The following FAM135B variants were observed in gnomAD, a reference collection of about 807,000 sequenced individuals.
FAM135B encodes family with sequence similarity 135 member B, also known as protein FAM135B.
In FAM135B, 43 loss-of-function variants were observed where a neutral mutation model predicts 127.7. The observed-to-expected ratio is 0.34, with a 90% CI of 0.26 to 0.43. The LOEUF (loss-of-function observed/expected upper bound fraction) is 0.43, where lower values mean the gene tolerates loss of function less well. Among genes scored for constraint, FAM135B ranks in the 20% least tolerant of loss-of-function variants. FAM135B has a pLI of 1.00. For synonymous variants in FAM135B, 670 were observed against 665.1 expected, an observed-to-expected ratio of 1.01 and a Z score of -0.11; for missense variants, 1,558 against 1,725.6, an observed-to-expected ratio of 0.90 and a Z score of 1.72.
chr8:138,183,952 A>G (rs1017436056), intron 9 of FAM135B, among the ~76,000 whole-genome samples: 1 of 152,192 alleles, frequency 6.6e-6, no homozygotes, highest in East Asian at 1.9e-4. Flanking sequence ...TCTATGCAGG[A>G]ATTCACGGCT....
chr8:138,462,842 T>C (rs1261431059), intron 1 of FAM135B, among the ~76,000 whole-genome samples: 1 of 152,028 alleles, frequency 6.6e-6, no homozygotes, highest in African/African-American at 2.4e-5. Flanking sequence ...GGGTCCAGAT[T>C]TGGGGAAAGT....
At chr8:138,333,227 T>C (rs1485281945) in intron 2 of FAM135B, among the ~76,000 whole-genome samples, 1 of 152,152 alleles carries the variant, frequency 6.6e-6, no homozygotes, top group Non-Finnish European at 1.5e-5. Flanking sequence ...ACACTTGCCC[T>C]GGGACAACTA....
chr8:138,463,530 G>A (rs1415957068), intron 1 of FAM135B, among the ~76,000 whole-genome samples: 1 of 152,176 alleles, frequency 6.6e-6, no homozygotes, highest in African/African-American at 2.4e-5. Context: ...CAGCATCTGT[G>A]CTTCAGCTCC....
At position 138,290,134 on chromosome 8, in the gene FAM135B, C is replaced by G. The variant is rs1824994232; in HGVS notation, c.157+20707G>C. On this transcript the variant is annotated intron_variant, in intron 3 of 19. Coordinates refer to ENST00000395297, the MANE Select transcript of FAM135B (RefSeq NM_015912.4). Reference sequence around the variant, plus strand: ...GGGGGGTCCACATCATGAATCATCACCGAGTCCCCCTTATGAGCTGGGTAA... The same window carrying G: ...GGGGGGTCCACATCATGAATCATCAGCGAGTCCCCCTTATGAGCTGGGTAA... Among the ~76,000 whole-genome samples, 2 of 152,168 alleles carry G rather than the reference C, an allele frequency of 1.3e-5. 1 individual carries two copies. The highest frequency in any genetic ancestry group is 1.3e-4 in the Admixed American group (2 of 15,278).
chr8:138,367,230 T>C (rs1830793614), intron 2 of FAM135B: 1 of 327,726 alleles, frequency 3.1e-6, no homozygotes. Context: ...TTGCTTTTTG[T>C]GTGTCAGTAA....
chr8:138,213,836 C>T (rs1490256135), intron 7 of FAM135B, among the ~76,000 whole-genome samples: 1 of 152,116 alleles, frequency 6.6e-6, no homozygotes, highest in Non-Finnish European at 1.5e-5. Flanking sequence ...AAGGAGGCTC[C>T]CACAATGAAC....
chr8:138,453,971 G>C (rs796243896), intron 1 of FAM135B, among the ~76,000 whole-genome samples: 4 of 152,082 alleles, frequency 2.6e-5, no homozygotes, highest in African/African-American at 9.6e-5. Context: ...TCTGACTCTT[G>C]GGGAGAGTGT....
At chr8:138,212,906 A>C (rs574502861) in intron 7 of FAM135B, among the ~76,000 whole-genome samples, 26 of 152,330 alleles carry the variant, frequency 1.7e-4, no homozygotes, top group African/African-American at 6.0e-4. Context: ...GAATGTCTTT[A>C]CTTTTATAAT....
intron 12 of FAM135B, among the ~76,000 whole-genome samples, chr8:138,160,047 T>C (rs12676936): frequency 0.69 from 105,203 of 151,644 alleles, 36,511 homozygotes; most frequent in East Asian, 0.77. Flanking sequence ...TGATTTTGGT[T>C]ACAATTAACC....
intron 1 of FAM135B, among the ~76,000 whole-genome samples, chr8:138,386,623 A>G (rs1832235222): frequency 6.6e-6 from 1 of 152,236 alleles, no homozygotes; most frequent in Non-Finnish European, 1.5e-5. Context: ...ACTGGCCTAG[A>G]TATTAATCTT....
At chr8:138,289,039 C>T (rs867597854) in intron 3 of FAM135B, among the ~76,000 whole-genome samples, 1 of 152,212 alleles carries the variant, frequency 6.6e-6, no homozygotes, top group Non-Finnish European at 1.5e-5. Context: ...TGCTTTTCTG[C>T]TTTCTCCACA....
intron 4 of FAM135B, among the ~76,000 whole-genome samples, chr8:138,257,668 C>T (rs1409174849): frequency 6.6e-6 from 1 of 152,048 alleles, no homozygotes; most frequent in South Asian, 2.1e-4. Flanking sequence ...AACCACAAAG[C>T]CCATGTCTTG....
chr8:138,240,939 CAG>C (rs1040485521), intron 7 of FAM135B, among the ~76,000 whole-genome samples: 2 of 152,144 alleles, frequency 1.3e-5, no homozygotes, highest in Non-Finnish European at 2.9e-5. Context: ...CCCTGGAAAA[CAG>C]AGTTTGAGTG....
chr8:138,228,391 C>CCCAG (rs1350189850), intron 7 of FAM135B, among the ~76,000 whole-genome samples: 1 of 152,070 alleles, frequency 6.6e-6, no homozygotes, highest in Non-Finnish European at 1.5e-5. Flanking sequence ...TTGCATCACC[C>CCCAG]CCAGCTGCAG....
chr8:138,423,953 C>G (rs1203951590), intron 1 of FAM135B, among the ~76,000 whole-genome samples: 3 of 152,164 alleles, frequency 2.0e-5, no homozygotes, highest in Non-Finnish European at 4.4e-5. Context: ...CTCCCATTTG[C>G]TTTTGAAAGA....
At chr8:138,292,210 C>T (rs1219322038) in intron 3 of FAM135B, among the ~76,000 whole-genome samples, 1 of 151,974 alleles carries the variant, frequency 6.6e-6, no homozygotes, top group African/African-American at 2.4e-5. Context: ...CAAATTTAAT[C>T]AAGGTGGTAA....
intron 7 of FAM135B, among the ~76,000 whole-genome samples, chr8:138,230,360 C>T (rs547998108): frequency 4.6e-5 from 7 of 152,276 alleles, no homozygotes; most frequent in South Asian, 2.1e-4. Context: ...GACTCTTTTA[C>T]GTCCAACAAC....
intron 7 of FAM135B, among the ~76,000 whole-genome samples, chr8:138,233,543 G>C (rs890716591): frequency 6.6e-6 from 1 of 152,108 alleles, no homozygotes; most frequent in East Asian, 1.9e-4. Context: ...TTAAACGTCA[G>C]ACCCAAAACT....
intron 2 of FAM135B, among the ~76,000 whole-genome samples, chr8:138,312,157 G>T (rs182724021): frequency 7.2e-5 from 11 of 152,208 alleles, no homozygotes; most frequent in Admixed American, 3.3e-4. Flanking sequence ...ATGTTGGTCA[G>T]TCTGGTCTTG....
Sources: gnomAD v4.1 joint callset for allele counts (sites outside exome capture counted in the v4.1 genomes callset) on GRCh38, gnomAD v4.1.1 for gene constraint, MANE v1.5 for transcripts, NCBI Gene and HGNC (gene_info 2026-07-23, HGNC 2026-07-21) for gene names.